The following ZBTB20 variants were observed in gnomAD, a reference collection of about 807,000 sequenced individuals.
ZBTB20 encodes the protein zinc finger and BTB domain-containing protein 20.
Under a neutral mutation model 56.9 loss-of-function variants are expected in ZBTB20, and 9 were observed. The observed-to-expected ratio is 0.16, with a 90% confidence interval of 0.10 to 0.28. ZBTB20 has a LOEUF of 0.28. Among genes scored for constraint, ZBTB20 ranks in the 10% least tolerant of loss-of-function variants. ZBTB20 has a pLI of 1.00. For missense variants in ZBTB20, 655 were observed against 1,003.0 expected (o/e 0.65, Z 4.69); for synonymous variants, 417 against 420.7 (o/e 0.99, Z 0.11).
chr3:114,937,179 T>G (rs1317621642), intron 3 of ZBTB20, among the ~76,000 whole-genome samples: 1 of 152,184 alleles, frequency 6.6e-6, no homozygotes, highest in East Asian at 1.9e-4. Context: ...TCTAGATCCT[T>G]GAGGAATCGC....
chr3:114,843,543 A>G (rs896934196), intron 4 of ZBTB20, among the ~76,000 whole-genome samples: 1 of 152,182 alleles, frequency 6.6e-6, no homozygotes, highest in Admixed American at 6.5e-5. Flanking sequence ...ACACGTATAC[A>G]TATATTTTAC....
At chr3:114,815,717 T>C (rs752523436) in intron 4 of ZBTB20, among the ~76,000 whole-genome samples, 25 of 152,230 alleles carry the variant, frequency 1.6e-4, no homozygotes, top group Middle Eastern at 3.4e-3. Flanking sequence ...ATGGAGATTT[T>C]ATACACACAC....
chr3:114,453,058 TTAC>T (rs2109045090), intron 7 of ZBTB20, among the ~76,000 whole-genome samples: 1 of 152,288 alleles, frequency 6.6e-6, no homozygotes, highest in South Asian at 2.1e-4. Flanking sequence ...ATAAAATTGT[TTAC>T]TACATTTTAC....
In ZBTB20 at chr3:114,427,557, C is replaced by A. The variant is rs2089783056; in HGVS notation, c.-254-38452G>T. ...AGCCAAAGCAGGACTGCAATGCAGA[C>A]CGAAGAGGAGAAGGTCCTGACACAG... is the stretch of plus-strand genomic sequence containing the variant. On this transcript the variant is annotated intron_variant, in intron 7 of 11. Coordinates refer to ENST00000675478, the MANE Select transcript of ZBTB20 (RefSeq NM_001348800.3). Among the ~76,000 whole-genome samples, 3 of 152,268 alleles carry A rather than the reference C, an allele frequency of 2.0e-5. No homozygotes were observed. In the South Asian group the frequency reaches 6.2e-4, roughly 32 times the overall value.
chr3:114,875,090 C>T (rs926222743), intron 4 of ZBTB20, among the ~76,000 whole-genome samples: 2 of 152,034 alleles, frequency 1.3e-5, no homozygotes, highest in Admixed American at 6.6e-5. Flanking sequence ...GAATGACTGC[C>T]GTGACTACCC....
In ZBTB20 at chr3:114,823,211, T is replaced by A. The variant is rs543360938; in HGVS notation, c.-416-22037A>T. On this transcript the variant is annotated intron_variant, in intron 4 of 11. Coordinates refer to ENST00000675478, the MANE Select transcript of ZBTB20 (RefSeq NM_001348800.3). ...CAGAGAATGAGAATTTGGCCTGTGCTCTATAGGCACCATTGAAATGTGGCC... is the reference window on the plus strand; with the variant it reads ...CAGAGAATGAGAATTTGGCCTGTGCACTATAGGCACCATTGAAATGTGGCC... Among the ~76,000 whole-genome samples the A allele has an allele frequency of 5.9e-5, 9 of 152,202 alleles. No individual in the cohort carries two copies. The South Asian group carries it at 1.9e-3, about 32-fold the overall frequency.
rs3086037 is a variant in ZBTB20, at chr3:115,078,613, G to GTATA, written c.-702-7203_-702-7200dup. The stretch of plus-strand genomic sequence containing the variant: ...TAAGAATATGTGTGTGTGTGTGTGT[G>GTATA]TATATATATATATATATATATATAT... On this transcript the variant is annotated intron_variant, in intron 1 of 11. Transcript: ENST00000675478. Among the ~76,000 whole-genome samples the GTATA allele has an allele frequency of 4.6e-3, 630 of 137,776 alleles. 5 individuals carry two copies. Among genetic ancestry groups the GTATA allele is most frequent in the African/African-American group, 0.014 (509 of 35,408 alleles). The allele number at this position is 137,776 out of a possible 152,430, so 90.4% of individuals were successfully genotyped here.
chr3:115,010,469 G>T (rs952681988), intron 2 of ZBTB20, among the ~76,000 whole-genome samples: 1 of 151,886 alleles, frequency 6.6e-6, no homozygotes, highest in African/African-American at 2.4e-5. Context: ...CTGTATTCTT[G>T]GGAGAAAACA....
At chr3:115,044,880 C>G (rs1238753607) in intron 2 of ZBTB20, among the ~76,000 whole-genome samples, 5 of 152,176 alleles carry the variant, frequency 3.3e-5, no homozygotes, top group African/African-American at 1.2e-4. Flanking sequence ...ATGACTGGCT[C>G]ACAGTATGTA....
chr3:114,694,683 T>C (rs1030268395), intron 5 of ZBTB20, among the ~76,000 whole-genome samples: 1 of 152,014 alleles, frequency 6.6e-6, no homozygotes, highest in African/African-American at 2.4e-5. Context: ...GCATACTCGA[T>C]AGCTAGAATC....
chr3:114,931,544 A>G (rs2076362238), intron 3 of ZBTB20: 1 of 157,402 alleles, frequency 6.4e-6, no homozygotes, highest in Non-Finnish European at 1.4e-5. Context: ...GAAATGCAGG[A>G]AAGAAATGCT....
intron 10 of ZBTB20, among the ~76,000 whole-genome samples, chr3:114,374,277 T>C (rs1047697243): frequency 5.3e-5 from 8 of 152,154 alleles, no homozygotes; most frequent in Non-Finnish European, 8.8e-5. Context: ...AAGATAAATA[T>C]ATAATTCCTT....
intron 3 of ZBTB20, among the ~76,000 whole-genome samples, chr3:114,944,358 G>T (rs2076818207): frequency 6.9e-6 from 1 of 145,668 alleles, no homozygotes; most frequent in Non-Finnish European, 1.5e-5. Flanking sequence ...TGGAGAAAAT[G>T]AAACTCTCAT....
intron 5 of ZBTB20, chr3:114,758,854 CCCTTG>C (rs2068220027): frequency 6.6e-6 from 1 of 152,158 alleles, no homozygotes; most frequent in South Asian, 2.1e-4. Flanking sequence ...CCTTTGCTTT[CCCTTG>C]TTCTTTCACT....
rs143932166 is a variant in ZBTB20 at position 114,351,442 on chromosome 3, C to T, written c.636G>A (p.Pro212=). 4.0e-5 allele frequency: 65 copies of T among 1,613,276 alleles called. No homozygotes were observed. The highest frequency in any genetic ancestry group is 1.6e-4 in the Middle Eastern group (1 of 6,082). The change falls in exon 11 of 12, where the codon CCG becomes CCA. Residue 212 remains proline (P), a synonymous_variant. Transcript: ENST00000675478. ...ACGTGCCTGACTCGGGAGTGCCCCG[C>T]GGCGTGTCCTGGCCCGAGTCCTGGA... The part of the protein sequence containing the change: ...PGIQDSGQDT[P]RGTPESGTSG...
At chr3:114,923,105 A>T (rs2076020893) in intron 3 of ZBTB20, among the ~76,000 whole-genome samples, 1 of 152,226 alleles carries the variant, frequency 6.6e-6, no homozygotes, top group Admixed American at 6.5e-5. Context: ...AAAATATTGC[A>T]CGTTCGTGAA....
intron 4 of ZBTB20, among the ~76,000 whole-genome samples, chr3:114,817,606 C>T (rs973341704): frequency 6.6e-6 from 1 of 151,500 alleles, no homozygotes; most frequent in Non-Finnish European, 1.5e-5. Flanking sequence ...TACATATATG[C>T]CTCTATAAAA....
chr3:114,435,820 A>G (rs1305134623), intron 7 of ZBTB20, among the ~76,000 whole-genome samples: 1 of 152,176 alleles, frequency 6.6e-6, no homozygotes, highest in Non-Finnish European at 1.5e-5. Context: ...AAAATCTCCT[A>G]TTCCTACATA....
At chr3:114,971,565 C>T (rs1023329793) in intron 3 of ZBTB20, among the ~76,000 whole-genome samples, 5 of 151,870 alleles carry the variant, frequency 3.3e-5, no homozygotes, top group African/African-American at 7.3e-5. Flanking sequence ...AGTAAACTGA[C>T]GAAAGGATGA....
Sources: allele counts gnomAD v4.1 joint callset (sites outside exome capture counted in the v4.1 genomes callset), GRCh38; gene constraint gnomAD v4.1.1; transcripts MANE v1.5; gene names NCBI Gene and HGNC (gene_info 2026-07-23, HGNC 2026-07-21).